The following C5orf15 variants were observed in gnomAD, a reference collection of about 807,000 sequenced individuals.
C5orf15 encodes the protein chromosome 5 open reading frame 15, also known as keratinocyte-associated transmembrane protein 2.
In C5orf15, 10 loss-of-function variants were observed where a neutral mutation model predicts 17.8. The ratio of observed to expected loss-of-function variants is 0.56; its 90% CI spans 0.35 to 0.95. C5orf15 has a LOEUF of 0.95. Among genes scored for constraint, C5orf15 ranks in the 40% least tolerant of loss-of-function variants. The probability of loss-of-function intolerance (pLI) is 0.02; values close to 1 mark genes in which losing one functional copy is unlikely to be tolerated. For synonymous variants in C5orf15, 124 were observed against 131.0 expected, an observed-to-expected ratio of 0.95 and a Z score of 0.36; for missense variants, 319 against 331.7, an observed-to-expected ratio of 0.96 and a Z score of 0.30.
intron 1 of C5orf15, among the ~76,000 whole-genome samples, chr5:133,964,745 T>G (rs1173218659): frequency 1.3e-5 from 2 of 152,204 alleles, no homozygotes; most frequent in Admixed American, 6.5e-5. Context: ...ACTAAAAACC[T>G]TGGAGTTGTC....
Position 133,959,825 on chromosome 5 carries a change from G to A in C5orf15, c.335C>T (p.Ser112Phe). ...VVPHPSPTPL[S>F]QEEADNNEDP... ...TTCATTGTTATCAGCTTCCTCTTGA[G>A]ACAGAGGAGTAGGCGAGGGATGAGG... Residue 112 changes from serine to phenylalanine, a missense_variant, in exon 2 of 3, where the codon TCT becomes TTT. Transcript: ENST00000231512. 6.2e-7 allele frequency: 1 copy of A among 1,613,868 alleles called. No individual in the cohort carries two copies. The highest frequency in any genetic ancestry group is 8.5e-7 in the Non-Finnish European group (1 of 1,179,796).
At chr5:133,958,179 T>C (rs1230057537) in intron 2 of C5orf15, among the ~76,000 whole-genome samples, 1 of 151,706 alleles carries the variant, frequency 6.6e-6, no homozygotes, top group Non-Finnish European at 1.5e-5. Context: ...AGGCCAGGAG[T>C]TCACCAGCGT....
At chr5:133,964,818 C>A (rs1752171338) in intron 1 of C5orf15, among the ~76,000 whole-genome samples, 1 of 152,126 alleles carries the variant, frequency 6.6e-6, no homozygotes, top group African/African-American at 2.4e-5. Flanking sequence ...GAGGGCTTTT[C>A]ACCCTCCACT....
In C5orf15 at chr5:133,968,527, C is replaced by T. The variant is rs1752230035; in HGVS notation, c.58G>A (p.Gly20Arg). ...RGPAQAKLLP[G>R]SAIQALVGLA... ...CCCACAAGGGCTTGGATGGCCGACCCGGGCAGCAGTTTCGCTTGTGCTGGC... is the reference window on the plus strand; with the variant it reads ...CCCACAAGGGCTTGGATGGCCGACCTGGGCAGCAGTTTCGCTTGTGCTGGC... The change falls in exon 1 of 3, where the codon GGG becomes AGG. Residue 20 changes from glycine (G) to arginine (R), a missense_variant. By Grantham distance (125) the Gly-to-Arg change is moderately radical. Around this residue, in one of 3 missense-constraint regions of C5orf15, gnomAD observed 127 missense variants for 95.6 expected, o/e 1.33. Transcript: ENST00000231512. The T allele has an allele frequency of 5.6e-6, 9 of 1,608,572 alleles. No individual in the cohort carries two copies. Among genetic ancestry groups the T allele is most frequent in the Non-Finnish European group, 7.6e-6 (9 of 1,178,048 alleles).
rs754358610 is a variant in C5orf15, at chr5:133,968,439, C to T, written c.139+7G>A. The T allele has an allele frequency of 1.9e-6, 3 of 1,603,310 alleles. No homozygotes were observed. The highest frequency in any genetic ancestry group is 3.4e-5 in the Admixed American group (2 of 58,786). ...CTTCCTAAGCCCACACTGCCGCCCC[C>T]CTTTACCACTGGATAGAGCGGCGGA... On this transcript the variant is annotated splice_region_variant and intron_variant, in intron 1 of 2. Coordinates refer to ENST00000231512, the MANE Select transcript of C5orf15 (RefSeq NM_020199.3).
chr5:133,961,233 A>G lies in C5orf15; in HGVS notation c.140-1213T>C, dbSNP rs796168304. ...CAGAAAAATAATGTAGTCAGTTAGTAAAAAAAAAAAAAAAAAAAAAAAAAA... is the reference window on the plus strand; with the variant it reads ...CAGAAAAATAATGTAGTCAGTTAGTGAAAAAAAAAAAAAAAAAAAAAAAAA... On this transcript the variant is annotated intron_variant, in intron 1 of 2. Transcript: ENST00000231512. Among the ~76,000 whole-genome samples the G allele has an allele frequency of 2.8e-3, 176 of 63,874 alleles. 5 individuals are homozygous for G. In the Admixed American group the frequency reaches 0.03, roughly 11 times the overall value. 41.9% of individuals were successfully genotyped at this position (63,874 alleles called of 152,430 possible).
At chr5:133,960,765 T>G (rs191875419) in intron 1 of C5orf15, among the ~76,000 whole-genome samples, 1 of 152,168 alleles carries the variant, frequency 6.6e-6, no homozygotes, top group Non-Finnish European at 1.5e-5. Context: ...CTACTCAGCA[T>G]AGTTTACTAA....
At chr5:133,964,212 G>A (rs942376316) in intron 1 of C5orf15, among the ~76,000 whole-genome samples, 2 of 151,808 alleles carry the variant, frequency 1.3e-5, no homozygotes, top group Admixed American at 6.6e-5. Context: ...ACTTACTCTC[G>A]AAAAAATAAA....
chr5:133,958,506 G>A (rs1257793014), intron 2 of C5orf15, among the ~76,000 whole-genome samples: 1 of 149,926 alleles, frequency 6.7e-6, no homozygotes, highest in African/African-American at 2.5e-5. Context: ...GAACCTGGGA[G>A]GTGGAGGTTG....
chr5:133,967,876 T>C (rs1020442660), intron 1 of C5orf15, among the ~76,000 whole-genome samples: 6 of 152,196 alleles, frequency 3.9e-5, no homozygotes, highest in African/African-American at 7.2e-5. Flanking sequence ...AAATATTCCA[T>C]TGGTTCAGTC....
In C5orf15 at chr5:133,968,449, T is replaced by G. The variant is rs765593936; in HGVS notation, c.136A>C (p.Ser46Arg). ...CCACACTGCCGCCCCCCTTTACCAC[T>G]GGATAGAGCGGCGGACACAAGCAGG... ...ALLLVSAALS[S>R]VVSRTDSPSP... Residue 46 changes from serine (S) to arginine (R), a missense_variant, in exon 1 of 3, where the codon AGT becomes CGT. Coordinates refer to ENST00000231512, the MANE Select transcript of C5orf15 (RefSeq NM_020199.3). 8.1e-6 allele frequency: 13 copies of G among 1,604,492 alleles called. No individual in the cohort carries two copies. Among genetic ancestry groups the G allele is most frequent in the Non-Finnish European group, 1.1e-5 (13 of 1,176,084 alleles).
chr5:133,959,009 C>A (rs1752078795), intron 2 of C5orf15, among the ~76,000 whole-genome samples: 1 of 151,842 alleles, frequency 6.6e-6, no homozygotes, highest in African/African-American at 2.4e-5. Context: ...TTAAAATACA[C>A]AATAGATTTA....
rs1752033835 is a variant in C5orf15, at chr5:133,955,673, G to A, written c.*1186C>T. On this transcript the variant is annotated 3_prime_UTR_variant, in exon 3 of 3. Coordinates refer to ENST00000231512, the MANE Select transcript of C5orf15 (RefSeq NM_020199.3). ...CACTGTCCGCCCAAGAGACAGGATG[G>A]ACGGCCTTCTTCCAGCTCTACATAA... 1 of 152,638 alleles carries A rather than the reference G, an allele frequency of 6.6e-6. No individual in the cohort carries two copies. Among genetic ancestry groups the A allele is most frequent in the South Asian group, 2.1e-4 (1 of 4,832 alleles). The allele number at this position is 152,638 out of a possible 1,614,324, so 9.5% of individuals were successfully genotyped here. A position where few individuals can be genotyped will look rare whatever the true frequency, so the allele number is the denominator to read the frequency against.
Position 133,956,819 on chromosome 5 carries a change from A to T in C5orf15, c.*40T>A, listed in dbSNP as rs776150380. 6.4e-7 allele frequency: 1 copy of T among 1,560,022 alleles called. No homozygotes were observed. The highest frequency in any genetic ancestry group is 8.6e-7 in the Non-Finnish European group (1 of 1,157,308). On this transcript the variant is annotated 3_prime_UTR_variant, in exon 3 of 3. Transcript: ENST00000231512. ...TTGCACAATATCATATAAAAAGTCA[A>T]GCAAATAAAATTACATAAGCAAATT...
At chr5:133,958,116 G>T (rs1313837365) in intron 2 of C5orf15, among the ~76,000 whole-genome samples, 1 of 151,882 alleles carries the variant, frequency 6.6e-6, no homozygotes, top group Non-Finnish European at 1.5e-5. Flanking sequence ...AGGCACAGTG[G>T]CTCACGCCTA....
chr5:133,963,295 AAAATT>A (rs951336103), intron 1 of C5orf15, among the ~76,000 whole-genome samples: 3 of 152,196 alleles, frequency 2.0e-5, no homozygotes, highest in Non-Finnish European at 2.9e-5. Flanking sequence ...TTTTCTGAGA[AAAATT>A]AAAAGAACTT....
chr5:133,968,429 C>A lies in C5orf15; in HGVS notation c.139+17G>T, dbSNP rs773887752. The A allele has an allele frequency of 3.7e-6, 6 of 1,600,936 alleles. No individual in the cohort carries two copies. In the African/African-American group the frequency reaches 6.7e-5, roughly 18 times the overall value. On this transcript the variant is annotated intron_variant, in intron 1 of 2. Coordinates refer to ENST00000231512, the MANE Select transcript of C5orf15 (RefSeq NM_020199.3). ...CCCTCCTAGCCTTCCTAAGCCCACA[C>A]TGCCGCCCCCCTTTACCACTGGATA...
At chr5:133,968,286 C>T (rs1752225439) in intron 1 of C5orf15, among the ~76,000 whole-genome samples, 160 bp downstream of exon 1, 1 of 152,084 alleles carries the variant, frequency 6.6e-6, no homozygotes, top group African/African-American at 2.4e-5. Context: ...CCTTCAGACA[C>T]CATACCCTCC....
At chr5:133,963,082 G>C (rs746115529) in intron 1 of C5orf15, among the ~76,000 whole-genome samples, 6 of 152,114 alleles carry the variant, frequency 3.9e-5, no homozygotes, top group Non-Finnish European at 5.9e-5. Flanking sequence ...CCATGCCACT[G>C]TTTTCATTTC....
Sources: allele counts gnomAD v4.1 joint callset (sites outside exome capture counted in the v4.1 genomes callset), GRCh38; gene constraint gnomAD v4.1.1; regional missense constraint gnomAD v4.1.1; transcripts MANE v1.5; gene names NCBI Gene and HGNC (gene_info 2026-07-23, HGNC 2026-07-21).